The following PRIMA1 variants were observed in gnomAD, a reference collection of about 807,000 sequenced individuals.
The protein encoded by PRIMA1 is proline rich membrane anchor 1.
In PRIMA1, 7 loss-of-function variants were observed where a neutral mutation model predicts 17.5. The ratio of observed to expected loss-of-function variants is 0.40; its 90% CI spans 0.23 to 0.75. PRIMA1 has a LOEUF of 0.75. Among genes scored for constraint, PRIMA1 ranks in the 30% least tolerant of loss-of-function variants. The pLI, the probability that PRIMA1 is intolerant of heterozygous loss-of-function variation, is 0.37. For synonymous variants in PRIMA1, 97 were observed against 77.9 expected (o/e 1.25, Z -1.29); for missense variants, 200 against 201.8 (o/e 0.99, Z 0.05).
At chr14:93,781,676 G>A (rs1885378719) in intron 2 of PRIMA1, among the ~76,000 whole-genome samples, 1 of 152,224 alleles carries the variant, frequency 6.6e-6, no homozygotes, top group Admixed American at 6.5e-5. Context: ...AGGAAGAAGT[G>A]AAGGAGCACA....
chr14:93,779,294 G>T lies in PRIMA1; in HGVS notation c.111C>A (p.Pro37=). Residue 37 remains proline, a synonymous_variant, in exon 3 of 5, where the codon CCC becomes CCA. Coordinates refer to ENST00000393140, the MANE Select transcript of PRIMA1 (RefSeq NM_178013.4). ...CAGTCACTTTGGAGCAGGACTTCTG[G>T]GGCTCACCATGCGTCACCTGTACAC... ...WGFVQVTHGE[P]QKSCSKVTDS... 1 of 1,555,238 alleles carries T rather than the reference G, an allele frequency of 6.4e-7. No individual in the cohort carries two copies. Among genetic ancestry groups the T allele is most frequent in the Non-Finnish European group, 8.7e-7 (1 of 1,155,750 alleles).
At chr14:93,721,614 G>A (rs1595185523) in intron 4 of PRIMA1, 68 bp from the exon 5 acceptor site, 32 of 922,808 alleles carry the variant, frequency 3.5e-5, no homozygotes, top group Non-Finnish European at 5.4e-5. Context: ...AGTTATCACT[G>A]ATGGTGGGGT....
At chr14:93,745,453 A>G (rs1490530052) in intron 3 of PRIMA1, among the ~76,000 whole-genome samples, 1 of 152,162 alleles carries the variant, frequency 6.6e-6, no homozygotes, top group Non-Finnish European at 1.5e-5. Context: ...TCTTCTCAGC[A>G]ACTGCTTTGT....
chr14:93,751,681 G>C (rs1227681307), intron 3 of PRIMA1, among the ~76,000 whole-genome samples: 1 of 152,182 alleles, frequency 6.6e-6, no homozygotes, highest in Admixed American at 6.5e-5. Context: ...AGAATGATTT[G>C]AGTCCAAGTT....
chr14:93,738,905 A>T (rs1345834974), intron 3 of PRIMA1, among the ~76,000 whole-genome samples: 1 of 152,216 alleles, frequency 6.6e-6, no homozygotes, highest in Non-Finnish European at 1.5e-5. Flanking sequence ...ACATACATGG[A>T]ATCATGCAGT....
At chr14:93,773,303 T>A (rs1262324923) in intron 3 of PRIMA1, among the ~76,000 whole-genome samples, 1 of 152,272 alleles carries the variant, frequency 6.6e-6, no homozygotes, top group Non-Finnish European at 1.5e-5. Flanking sequence ...GAGTCTGAGC[T>A]AGGAGTGAAA....
intron 4 of PRIMA1, 105 bp downstream of exon 4, chr14:93,737,136 A>G: frequency 8.7e-7 from 1 of 1,155,360 alleles, no homozygotes; most frequent in Admixed American, 2.5e-5. Flanking sequence ...TATATGCTTA[A>G]CAACTTTTAT....
chr14:93,778,023 G>A (rs1885271616), intron 3 of PRIMA1, among the ~76,000 whole-genome samples: 1 of 152,246 alleles, frequency 6.6e-6, no homozygotes, highest in Non-Finnish European at 1.5e-5. Flanking sequence ...CAGGAGAGAG[G>A]AGGCCAGTGA....
rs2141201108 is a variant in PRIMA1 at position 93,787,786 on chromosome 14, G to A, written c.-31-37C>T. On this transcript the variant is annotated intron_variant, in intron 1 of 4. Transcript: ENST00000393140. ...GCAAGGCTAGGGTCAGGCGGACACCGCGCAGGCACTTCCGCCGCCGCGCAC... is the reference window on the plus strand; with the variant it reads ...GCAAGGCTAGGGTCAGGCGGACACCACGCAGGCACTTCCGCCGCCGCGCAC... 2.6e-6 allele frequency: 4 copies of A among 1,513,022 alleles called. No individual in the cohort carries two copies. In the East Asian group the frequency reaches 7.4e-5, roughly 28 times the overall value. The allele number at this position is 1,513,022 out of a possible 1,614,324, so 93.7% of individuals were successfully genotyped here.
upstream of PRIMA1, among the ~76,000 whole-genome samples, chr14:93,788,826 C>G (rs77194521): frequency 1.7e-3 from 255 of 152,002 alleles, 4 homozygotes; most frequent in East Asian, 0.045. Context: ...CTCCACGCCG[C>G]CTGGAGCCGG....
chr14:93,782,925 T>G (rs1176785926), intron 2 of PRIMA1, among the ~76,000 whole-genome samples: 3 of 152,238 alleles, frequency 2.0e-5, no homozygotes, highest in African/African-American at 7.2e-5. Context: ...AGAACAGGAC[T>G]GAGATTTCTC....
At chr14:93,773,418 G>C (rs1010156474) in intron 3 of PRIMA1, among the ~76,000 whole-genome samples, 1 of 152,228 alleles carries the variant, frequency 6.6e-6, no homozygotes, top group Non-Finnish European at 1.5e-5. Flanking sequence ...CACCTGAGAA[G>C]GGAATTGAAA....
At chr14:93,743,698 T>G (rs1418741421) in intron 3 of PRIMA1, among the ~76,000 whole-genome samples, 1 of 152,238 alleles carries the variant, frequency 6.6e-6, no homozygotes, top group Non-Finnish European at 1.5e-5. Flanking sequence ...TTAAAACCAG[T>G]GTGGGCCTGG....
chr14:93,730,552 A>G (rs941171835), intron 4 of PRIMA1, among the ~76,000 whole-genome samples: 3 of 152,004 alleles, frequency 2.0e-5, no homozygotes, highest in African/African-American at 7.3e-5. Flanking sequence ...CCAAGGCCTC[A>G]GTTCCCACAT....
At chr14:93,781,105 CCGGCTTAATAT>C (rs762842628) in intron 2 of PRIMA1, among the ~76,000 whole-genome samples, 55 of 152,186 alleles carry the variant, frequency 3.6e-4, no homozygotes, top group Non-Finnish European at 6.8e-4. Context: ...ATTTACAGCC[CCGGCTTAATAT>C]CTACCAGGCT....
intron 3 of PRIMA1, among the ~76,000 whole-genome samples, chr14:93,771,149 T>C (rs942235353): frequency 3.3e-5 from 5 of 151,970 alleles, no homozygotes; most frequent in African/African-American, 1.2e-4. Flanking sequence ...TATGTGTGTG[T>C]GTGCGCATGT....
At position 93,718,511 on chromosome 14, in the gene PRIMA1, C is replaced by T. The variant is rs1035829535; in HGVS notation, c.*2933G>A. On this transcript the variant is annotated 3_prime_UTR_variant, in exon 5 of 5. Transcript: ENST00000393140. ...AGGAGCAACTGTCCTCTCTCCAGTACACGCGGCACGTTGCTAAGAAGGCAG... is the reference window on the plus strand; with the variant it reads ...AGGAGCAACTGTCCTCTCTCCAGTATACGCGGCACGTTGCTAAGAAGGCAG... 2.0e-5 allele frequency: 3 copies of T among 152,594 alleles called. No individual in the cohort carries two copies. Among genetic ancestry groups the T allele is most frequent in the Non-Finnish European group, 2.9e-5 (2 of 68,050 alleles). The allele number at this position is 152,594 out of a possible 1,614,324, so 9.5% of individuals were successfully genotyped here.
chr14:93,728,556 C>T (rs2076094328), intron 4 of PRIMA1, among the ~76,000 whole-genome samples: 1 of 152,112 alleles, frequency 6.6e-6, no homozygotes, highest in African/African-American at 2.4e-5. Flanking sequence ...TGGGTCTTAT[C>T]CTGACTGCAG....
At chr14:93,785,664 T>G (rs1885502820) in intron 2 of PRIMA1, among the ~76,000 whole-genome samples, 1 of 152,228 alleles carries the variant, frequency 6.6e-6, no homozygotes, top group South Asian at 2.1e-4. Context: ...CCCTTGGATT[T>G]AGCTCTTTTG....
Sources: allele counts gnomAD v4.1 joint callset (sites outside exome capture counted in the v4.1 genomes callset), GRCh38; gene constraint gnomAD v4.1.1; transcripts MANE v1.5; gene names NCBI Gene and HGNC (gene_info 2026-07-23, HGNC 2026-07-21).